ITPR2: variants seen among roughly 807,000 people sequenced by gnomAD.
ITPR2 encodes the protein inositol 1,4,5-trisphosphate-gated calcium channel ITPR2.
A neutral mutation model predicts 317.1 loss-of-function variants in ITPR2; 207 were observed. That is an observed-to-expected ratio of 0.65 (90% CI 0.58 to 0.73). The LOEUF is 0.73. ITPR2 is among the 30% of genes least tolerant of loss of function. The pLI is 0.00. For synonymous variants in ITPR2, 1,156 were observed against 1,149.1 expected (o/e 1.01, Z -0.12); for missense variants, 2,613 against 3,284.0 (o/e 0.80, Z 4.99).
At chr12:26,497,204 A>C (rs1050128152) in intron 37 of ITPR2, among the ~76,000 whole-genome samples, 2 of 139,082 alleles carry the variant, frequency 1.4e-5, no homozygotes, top group African/African-American at 5.5e-5. Context: ...CCCAGGCTGG[A>C]GTGCAGTGGC....
At chr12:26,399,152 C>G (rs1321857590) in intron 53 of ITPR2, 111 bp from the exon 54 acceptor site, 1 of 802,236 alleles carries the variant, frequency 1.2e-6, no homozygotes, top group Non-Finnish European at 1.7e-6. Flanking sequence ...AATAGTATCC[C>G]AAGTTGGAAA....
intron 5 of ITPR2, chr12:26,721,416 A>T: frequency 2.1e-6 from 1 of 480,258 alleles, no homozygotes; most frequent in Non-Finnish European, 3.8e-6. Flanking sequence ...CTAAGACAAG[A>T]AATATCCAAA....
At chr12:26,532,583 C>T (rs1380946695) in intron 37 of ITPR2, among the ~76,000 whole-genome samples, 6 of 152,154 alleles carry the variant, frequency 3.9e-5, no homozygotes, top group Non-Finnish European at 8.8e-5. Flanking sequence ...GTGTTGGGAT[C>T]ACAGGCATGA....
intron 37 of ITPR2, among the ~76,000 whole-genome samples, chr12:26,540,485 T>C (rs111381842): frequency 4.6e-5 from 7 of 152,316 alleles, no homozygotes; most frequent in African/African-American, 1.7e-4. Flanking sequence ...TGTTTTTTAA[T>C]CACAATGCCA....
chr12:26,650,179 C>A (rs528941054), intron 21 of ITPR2, among the ~76,000 whole-genome samples: 2 of 151,850 alleles, frequency 1.3e-5, no homozygotes, highest in African/African-American at 4.8e-5. Context: ...ATAAACAGGA[C>A]GGTGGAGAGA....
At chr12:26,726,444 C>T (rs1948925147) in intron 2 of ITPR2, among the ~76,000 whole-genome samples, 1 of 152,112 alleles carries the variant, frequency 6.6e-6, no homozygotes, top group Non-Finnish European at 1.5e-5. Context: ...AATGGAAGAA[C>T]TCAACAGTTT....
chr12:26,594,167 A>G (rs1326520119), intron 32 of ITPR2, among the ~76,000 whole-genome samples: 1 of 152,210 alleles, frequency 6.6e-6, no homozygotes, highest in African/African-American at 2.4e-5. Flanking sequence ...CTACAGGTGC[A>G]TATTTACCTG....
In ITPR2 at chr12:26,340,263, A is replaced by T. The variant is rs1486291062; in HGVS notation, c.7923T>A (p.Ser2641Arg). The change falls in exon 56 of 57, where the codon AGT (serine) becomes AGA (arginine). Residue 2641 changes from serine to arginine, a missense_variant. Physicochemically the swap from Ser to Arg is moderately radical, Grantham distance 110. Coordinates refer to ENST00000381340, the MANE Select transcript of ITPR2 (RefSeq NM_002223.4). ...AMSLVSNEGD[S>R]EQNEIRSLQE... ...GAAGGCTCCGAATTTCATTTTGCTC[A>T]CTGTCGCCTTCATTGCTAACGAGGG... 3 of 1,611,806 alleles carry T rather than the reference A, an allele frequency of 1.9e-6. No homozygotes were observed. In the African/African-American group the frequency reaches 4.0e-5, roughly 22 times the overall value.
intron 37 of ITPR2, among the ~76,000 whole-genome samples, chr12:26,546,912 A>G (rs190745064): frequency 4.1e-4 from 63 of 152,318 alleles, no homozygotes; most frequent in Non-Finnish European, 7.2e-4. Flanking sequence ...AAAATGGATT[A>G]AAGACTTAAA....
intron 1 of ITPR2, among the ~76,000 whole-genome samples, chr12:26,807,297 G>T (rs772872017): frequency 6.6e-6 from 1 of 152,158 alleles, no homozygotes; most frequent in African/African-American, 2.4e-5. Context: ...TGAAATCTTA[G>T]TCATTGATTC....
At chr12:26,475,453 A>G in intron 44 of ITPR2, 35 bp from the exon 45 acceptor site, 1 of 1,599,994 alleles carries the variant, frequency 6.3e-7, no homozygotes, top group Non-Finnish European at 8.5e-7. Context: ...GAAATGCCAG[A>G]AACAACATCT....
In ITPR2 at chr12:26,681,894, T is replaced by C. The variant is rs767218125; in HGVS notation, c.1389A>G (p.Thr463=). The C allele has an allele frequency of 6.2e-7, 1 of 1,612,264 alleles. No homozygotes were observed. Among genetic ancestry groups the C allele is most frequent in the Middle Eastern group, 1.7e-4 (1 of 6,052 alleles). Residue 463 remains threonine (T), a synonymous_variant, in exon 13 of 57, where the codon ACA becomes ACG. Transcript: ENST00000381340. ...GTTACCTCCTTTCATTCTGAGTTAT[T>C]GTGCCGTTTTCTAGCTTTTTAACTG... ...ATTVKKLENG[T]ITQNERRFVT...
In ITPR2 at chr12:26,622,244, T is replaced by C; in HGVS notation, c.3284A>G (p.Lys1095Arg). ...TTGAGGGCTCTTCAATCTTACCTGCTTAAATGCCTGTAAAACCTCTGCCCT... is the reference window on the plus strand; with the variant it reads ...TTGAGGGCTCTTCAATCTTACCTGCCTAAATGCCTGTAAAACCTCTGCCCT... ...SQRAEVLQAF[K>R]QVQLLVSNQD... The change falls in exon 25 of 57, where the codon AAG becomes AGG. Residue 1095 changes from lysine to arginine, a missense_variant. Lys to Arg is a conservative substitution (Grantham distance 26). Transcript: ENST00000381340. 1 of 1,609,652 alleles carries C rather than the reference T, an allele frequency of 6.2e-7. No individual in the cohort carries two copies. The highest frequency in any genetic ancestry group is 2.2e-5 in the East Asian group (1 of 44,830).
intron 1 of ITPR2, among the ~76,000 whole-genome samples, chr12:26,792,501 A>G (rs1950359321): frequency 6.6e-6 from 1 of 151,950 alleles, no homozygotes; most frequent in South Asian, 2.1e-4. Flanking sequence ...CATCATTCTG[A>G]CAGCCCTAAT....
intron 37 of ITPR2, among the ~76,000 whole-genome samples, chr12:26,539,517 A>G (rs1484555791): frequency 6.6e-6 from 1 of 152,140 alleles, no homozygotes; most frequent in Non-Finnish European, 1.5e-5. Context: ...TACTGGATCC[A>G]GGACGAGCGC....
chr12:26,352,995 T>C (rs777374195), intron 55 of ITPR2, among the ~76,000 whole-genome samples: 1 of 152,218 alleles, frequency 6.6e-6, no homozygotes, highest in Non-Finnish European at 1.5e-5. Flanking sequence ...AAACACCAAC[T>C]AGCACACCAC....
chr12:26,461,661 T>C (rs1420247761), intron 45 of ITPR2, among the ~76,000 whole-genome samples: 1 of 98,248 alleles, frequency 1.0e-5, no homozygotes, highest in Non-Finnish European at 2.2e-5. Context: ...TATATATATA[T>C]ATATATATAT....
chr12:26,481,219 G>T lies in ITPR2; in HGVS notation c.6035C>A (p.Ser2012Tyr), dbSNP rs982049647. 11 of 1,610,662 alleles carry T rather than the reference G, an allele frequency of 6.8e-6. No homozygotes were observed. The highest frequency in any genetic ancestry group is 8.5e-6 in the Non-Finnish European group (10 of 1,177,054). Residue 2012 changes from serine (S) to tyrosine (Y), a missense_variant, in exon 43 of 57, where the codon TCT becomes TAT. Coordinates refer to ENST00000381340, the MANE Select transcript of ITPR2 (RefSeq NM_002223.4). ...ENQTCIATHE[S>Y]NGIDIIIALI... ...AGCAATGATGATATCAATCCCATTA[G>T]ACTCATGTGTAGCGATACAGGTCTA...
chr12:26,464,922 T>C (rs1369210220), intron 45 of ITPR2, among the ~76,000 whole-genome samples: 1 of 152,174 alleles, frequency 6.6e-6, no homozygotes, highest in Non-Finnish European at 1.5e-5. Context: ...AGAGTTCTAT[T>C]ATGGATAATG....
Sources: allele counts gnomAD v4.1 joint callset (sites outside exome capture counted in the v4.1 genomes callset), GRCh38; gene constraint gnomAD v4.1.1; transcripts MANE v1.5; gene names NCBI Gene and HGNC (gene_info 2026-07-23, HGNC 2026-07-21).